The following AGBL1 variants were observed in gnomAD, a reference collection of about 807,000 sequenced individuals.
AGBL1 encodes AGBL carboxypeptidase 1, also known as cytosolic carboxypeptidase 4.
In AGBL1, 130 loss-of-function variants were observed where a neutral mutation model predicts 118.9. The observed-to-expected ratio is 1.09, with a 90% CI of 0.95 to 1.26. AGBL1 has a LOEUF of 1.26. Among genes scored for constraint, AGBL1 ranks in the 50% most tolerant of loss-of-function variants. The pLI, the probability that AGBL1 is intolerant of heterozygous loss-of-function variation, is 0.00. For synonymous variants in AGBL1, 555 were observed against 478.9 expected, an observed-to-expected ratio of 1.16 and a Z score of -2.08; for missense variants, 1,584 against 1,298.1, an observed-to-expected ratio of 1.22 and a Z score of -3.38.
intron 24 of AGBL1, among the ~76,000 whole-genome samples, chr15:87,028,624 C>A: frequency 6.6e-6 from 1 of 151,644 alleles, no homozygotes; most frequent in East Asian, 1.9e-4. Context: ...GAATTCATGC[C>A]CTCACATTCT....
intron 17 of AGBL1, among the ~76,000 whole-genome samples, chr15:86,338,592 C>A (rs1444842967): frequency 1.3e-5 from 2 of 152,000 alleles, no homozygotes; most frequent in Admixed American, 1.3e-4. Context: ...TGAACAGAAC[C>A]ACAAAGGTAG....
At chr15:86,758,198 A>G (rs938952833) in intron 22 of AGBL1, among the ~76,000 whole-genome samples, 6 of 151,992 alleles carry the variant, frequency 3.9e-5, no homozygotes, top group Non-Finnish European at 5.9e-5. Flanking sequence ...CCATAAGACT[A>G]TTTGTTTCTT....
At chr15:86,128,624 C>G (rs938177692) in intron 1 of AGBL1, among the ~76,000 whole-genome samples, 1 of 152,178 alleles carries the variant, frequency 6.6e-6, no homozygotes, top group African/African-American at 2.4e-5. Context: ...TTCAACCTTA[C>G]AGTGTTTGCG....
In AGBL1 at chr15:86,295,357, A is replaced by G; in HGVS notation, c.2323A>G (p.Thr775Ala). ...TLGGNPCPLV[T>A]ITAMPESNSD... ...GGGAGGGAATCCGTGTCCCTTGGTG[A>G]CCATCACGGCCATGCCTGAGTCCAA... The change falls in exon 17 of 23, where the codon ACC becomes GCC. Residue 775 changes from threonine to alanine, a missense_variant. Thr to Ala is a moderately conservative substitution (Grantham distance 58, BLOSUM62 0). Transcript: ENST00000614907. The G allele has an allele frequency of 7.4e-6, 12 of 1,611,514 alleles. No individual in the cohort carries two copies. The highest frequency in any genetic ancestry group is 9.3e-6 in the Non-Finnish European group (11 of 1,178,750).
chr15:86,752,471 G>A (rs1567156697), intron 22 of AGBL1, among the ~76,000 whole-genome samples: 1 of 152,084 alleles, frequency 6.6e-6, no homozygotes, highest in Non-Finnish European at 1.5e-5. Context: ...GAGGTAATGA[G>A]TTTGAGTCTA....
At chr15:86,839,885 T>C (rs1427590512) in intron 22 of AGBL1, among the ~76,000 whole-genome samples, 1 of 152,190 alleles carries the variant, frequency 6.6e-6, no homozygotes, top group African/African-American at 2.4e-5. Context: ...CCCCTTACCA[T>C]AACCACGATG....
chr15:86,712,133 T>C (rs1356514430), intron 22 of AGBL1, among the ~76,000 whole-genome samples: 1 of 152,192 alleles, frequency 6.6e-6, no homozygotes, highest in Non-Finnish European at 1.5e-5. Flanking sequence ...CCTAAGCTAC[T>C]AATACATTTT....
At chr15:86,971,629 A>G (rs2081109680) in intron 23 of AGBL1, among the ~76,000 whole-genome samples, 1 of 152,028 alleles carries the variant, frequency 6.6e-6, no homozygotes, top group African/African-American at 2.4e-5. Flanking sequence ...TCAGTAAAAT[A>G]CATGATTTCT....
intron 22 of AGBL1, among the ~76,000 whole-genome samples, chr15:86,850,440 A>G (rs901183256): frequency 6.6e-6 from 1 of 152,176 alleles, no homozygotes; most frequent in Non-Finnish European, 1.5e-5. Flanking sequence ...ATGCCATTTT[A>G]TAAACAGATC....
At chr15:86,602,133 A>G (rs2084505230) in intron 21 of AGBL1, among the ~76,000 whole-genome samples, 1 of 151,558 alleles carries the variant, frequency 6.6e-6, no homozygotes, top group Admixed American at 6.6e-5. Flanking sequence ...CTTTCTTTAA[A>G]ATATCACGAC....
At chr15:86,368,041 A>T (rs1700921529) in intron 17 of AGBL1, among the ~76,000 whole-genome samples, 1 of 152,140 alleles carries the variant, frequency 6.6e-6, no homozygotes, top group African/African-American at 2.4e-5. Context: ...CCCTCCCACA[A>T]AGAAAAGTAC....
At chr15:86,854,901 C>T (rs1380654684) in intron 22 of AGBL1, among the ~76,000 whole-genome samples, 1 of 152,162 alleles carries the variant, frequency 6.6e-6, no homozygotes. Flanking sequence ...CTCAACTGCC[C>T]TCGATCTCCA....
At chr15:86,112,501 C>T (rs1475430507) in intron 1 of AGBL1, among the ~76,000 whole-genome samples, 1 of 152,130 alleles carries the variant, frequency 6.6e-6, no homozygotes, top group African/African-American at 2.4e-5. Context: ...ATTTATTTAA[C>T]GTTAGACATT....
intron 22 of AGBL1, among the ~76,000 whole-genome samples, chr15:86,865,411 C>T (rs890314239): frequency 6.6e-6 from 1 of 152,054 alleles, no homozygotes; most frequent in Non-Finnish European, 1.5e-5. Context: ...TTGGAGGTAC[C>T]CTTTGTTGAA....
intron 23 of AGBL1, among the ~76,000 whole-genome samples, chr15:86,947,017 G>A (rs1230127477): frequency 6.6e-6 from 1 of 152,086 alleles, no homozygotes; most frequent in East Asian, 1.9e-4. Flanking sequence ...TTTTAAGGAT[G>A]TGGCAATACT....
chr15:86,634,855 C>T (rs2085050550), intron 21 of AGBL1, among the ~76,000 whole-genome samples: 1 of 152,070 alleles, frequency 6.6e-6, no homozygotes, highest in African/African-American at 2.4e-5. Flanking sequence ...TATGTTGCCG[C>T]ATTTGTTTTA....
chr15:86,675,261 G>A (rs994624895), intron 22 of AGBL1, among the ~76,000 whole-genome samples: 4 of 152,058 alleles, frequency 2.6e-5, no homozygotes, highest in Admixed American at 2.6e-4. Context: ...TGCACTTCAC[G>A]TCCAAAGGCA....
At chr15:86,158,691 G>C (rs2077225554) in intron 4 of AGBL1, among the ~76,000 whole-genome samples, 1 of 152,212 alleles carries the variant, frequency 6.6e-6, no homozygotes, top group African/African-American at 2.4e-5. Flanking sequence ...TCTAGTTACT[G>C]CTGAGCAGGA....
chr15:86,676,418 A>G (rs1257998556), intron 22 of AGBL1, among the ~76,000 whole-genome samples: 1 of 152,184 alleles, frequency 6.6e-6, no homozygotes, highest in African/African-American at 2.4e-5. Context: ...GTTCCAGCCA[A>G]TAAGCTTATG....
Sources: gnomAD v4.1 joint callset for allele counts (sites outside exome capture counted in the v4.1 genomes callset) on GRCh38, gnomAD v4.1.1 for gene constraint, MANE v1.5 for transcripts, NCBI Gene and HGNC (gene_info 2026-07-23, HGNC 2026-07-21) for gene names.